Variants in TMEM132B observed in about 807,000 individuals in gnomAD.
TMEM132B encodes the protein transmembrane protein 132B.
In TMEM132B, 18 loss-of-function variants were observed where a neutral mutation model predicts 90.8. The ratio of observed to expected loss-of-function variants is 0.20; its 90% confidence interval spans 0.14 to 0.29. The LOEUF (loss-of-function observed/expected upper bound fraction) is 0.29, where lower values mean the gene tolerates loss of function less well. Among genes scored for constraint, TMEM132B ranks in the 10% least tolerant of loss-of-function variants. The pLI is 1.00. For synonymous variants in TMEM132B, 504 were observed against 523.3 expected (o/e 0.96, Z 0.50); for missense variants, 1,096 against 1,326.8 (o/e 0.83, Z 2.70).
intron 1 of TMEM132B, among the ~76,000 whole-genome samples, chr12:125,263,927 C>T (rs1050067767): frequency 1.3e-5 from 2 of 152,182 alleles, no homozygotes; most frequent in African/African-American, 4.8e-5. Flanking sequence ...TGTGGTGTTC[C>T]ATGTATTAAT....
rs772163559 is a variant in TMEM132B at position 125,443,796 on chromosome 12, T to A, written c.1106+28119T>A. Among the ~76,000 whole-genome samples the A allele has an allele frequency of 6.5e-4, 99 of 152,308 alleles. 2 individuals carry two copies. Among genetic ancestry groups the A allele is most frequent in the Admixed American group, 2.9e-3 (44 of 15,296 alleles). The stretch of plus-strand genomic sequence containing the variant: ...GAAACTGCAAGAAAAATGTTTTTTT[T>A]AAAAATATAAAATCTGTTAACAATG... On this transcript the variant is annotated intron_variant, in intron 3 of 8. Transcript: ENST00000682704.
At chr12:125,235,830 G>A (rs1433772269) in intron 1 of TMEM132B, among the ~76,000 whole-genome samples, 5 of 123,730 alleles carry the variant, frequency 4.0e-5, no homozygotes, top group African/African-American at 6.4e-5. Flanking sequence ...TTTGGAGAGA[G>A]TCTTGCTCTG....
At chr12:125,572,640 G>A (rs7961194) in intron 4 of TMEM132B, among the ~76,000 whole-genome samples, 139,740 of 152,262 alleles carry the variant, frequency 0.92, 64,142 homozygotes, top group Middle Eastern at 0.97. Flanking sequence ...TCCCTTTGAA[G>A]TTAATGTTTC....
chr12:125,399,457 AAG>A (rs1879249295), intron 2 of TMEM132B, among the ~76,000 whole-genome samples: 1 of 132,744 alleles, frequency 7.5e-6, no homozygotes, highest in Admixed American at 7.5e-5. Flanking sequence ...GTGAAGAAGG[AAG>A]TGTGTGTGTG....
At chr12:125,261,616 T>A (rs1342711222) in intron 1 of TMEM132B, among the ~76,000 whole-genome samples, 1 of 152,200 alleles carries the variant, frequency 6.6e-6, no homozygotes, top group Non-Finnish European at 1.5e-5. Context: ...AAATTCAAAT[T>A]GTCATTAGTA....
At chr12:125,255,993 G>A (rs977722974) in intron 1 of TMEM132B, among the ~76,000 whole-genome samples, 1 of 151,932 alleles carries the variant, frequency 6.6e-6, no homozygotes, top group Non-Finnish European at 1.5e-5. Context: ...TTTGTGTGTC[G>A]CTTTTTTTTT....
rs376934374 is a variant in TMEM132B, at chr12:125,440,798, C to G, written c.1106+25121C>G. Among the ~76,000 whole-genome samples, 22 of 152,168 alleles carry G rather than the reference C, an allele frequency of 1.4e-4. No homozygotes were observed. In the South Asian group the frequency reaches 1.7e-3, roughly 11 times the overall value. ...TTATTAAAAATATCAGGAGATCTGACTAAAAATACATATTTCAGGTGTCTC... is the reference window on the plus strand; with the variant it reads ...TTATTAAAAATATCAGGAGATCTGAGTAAAAATACATATTTCAGGTGTCTC... On this transcript the variant is annotated intron_variant, in intron 3 of 8. Coordinates refer to ENST00000682704, the MANE Select transcript of TMEM132B (RefSeq NM_001366854.1).
intron 4 of TMEM132B, among the ~76,000 whole-genome samples, chr12:125,581,181 A>T (rs1001849835): frequency 2.0e-5 from 3 of 152,208 alleles, no homozygotes; most frequent in Admixed American, 1.3e-4. Context: ...TGGGAAATAT[A>T]TTGTAATGTC....
chr12:125,405,306 C>A (rs1340088058), intron 2 of TMEM132B, among the ~76,000 whole-genome samples: 1 of 152,194 alleles, frequency 6.6e-6, no homozygotes, highest in Non-Finnish European at 1.5e-5. Flanking sequence ...TCGCTGCCTT[C>A]TCAGGTTCCC....
intron 1 of TMEM132B, among the ~76,000 whole-genome samples, chr12:125,253,964 A>G (rs1874372734): frequency 6.6e-6 from 1 of 152,174 alleles, no homozygotes; most frequent in Non-Finnish European, 1.5e-5. Flanking sequence ...AGAGAGCTTG[A>G]AATAAATGGG....
chr12:125,430,765 C>T (rs1237864837), intron 3 of TMEM132B, among the ~76,000 whole-genome samples: 1 of 152,180 alleles, frequency 6.6e-6, no homozygotes, highest in Admixed American at 6.5e-5. Context: ...CCTGGCTCTC[C>T]TGGAACTTAC....
At chr12:125,231,296 C>T (rs1217904882) in intron 1 of TMEM132B, among the ~76,000 whole-genome samples, 1 of 152,074 alleles carries the variant, frequency 6.6e-6, no homozygotes, top group Non-Finnish European at 1.5e-5. Context: ...TTAAGGCCCA[C>T]CCCAATGCAG....
At chr12:125,480,172 G>A (rs1020274339) in intron 3 of TMEM132B, among the ~76,000 whole-genome samples, 15 of 152,074 alleles carry the variant, frequency 9.9e-5, no homozygotes, top group African/African-American at 3.4e-4. Flanking sequence ...ATCTAAAATC[G>A]ACACCCTAAC....
chr12:125,572,424 C>T (rs772873913), intron 4 of TMEM132B, among the ~76,000 whole-genome samples: 9 of 152,218 alleles, frequency 5.9e-5, no homozygotes, highest in African/African-American at 7.2e-5. Context: ...CCAGAGGCTA[C>T]GCCGTTCAAG....
rs527656417 is a variant in TMEM132B at position 125,268,095 on chromosome 12, A to G, written c.67+81229A>G. Among the ~76,000 whole-genome samples the G allele has an allele frequency of 3.6e-4, 55 of 152,342 alleles. 1 individual carries two copies. Among genetic ancestry groups the G allele is most frequent in the African/African-American group, 1.1e-3 (47 of 41,578 alleles). The stretch of plus-strand genomic sequence containing the variant: ...ACTCCATCTCTACAAAAAGAAAAAG[A>G]AACAACAACGAAAAATAAAGGCTGC... On this transcript the variant is annotated intron_variant, in intron 1 of 8. Coordinates refer to ENST00000682704, the MANE Select transcript of TMEM132B (RefSeq NM_001366854.1).
chr12:125,338,037 C>T (rs1224215380), intron 1 of TMEM132B, among the ~76,000 whole-genome samples: 1 of 152,172 alleles, frequency 6.6e-6, no homozygotes, highest in Non-Finnish European at 1.5e-5. Flanking sequence ...ATGTACACAC[C>T]TTCTTCCCTT....
At chr12:125,355,875 G>A (rs1877752092) in intron 2 of TMEM132B, among the ~76,000 whole-genome samples, 1 of 152,122 alleles carries the variant, frequency 6.6e-6, no homozygotes, top group Non-Finnish European at 1.5e-5. Flanking sequence ...GGGCCCGTCT[G>A]AACAAAAATT....
intron 5 of TMEM132B, among the ~76,000 whole-genome samples, chr12:125,631,217 A>AT (rs1413717333): frequency 6.6e-5 from 10 of 151,340 alleles, no homozygotes; most frequent in African/African-American, 2.2e-4. Context: ...AAATTTTTCA[A>AT]TTTTTTTTCT....
chr12:125,239,685 T>G (rs1026919352), intron 1 of TMEM132B, among the ~76,000 whole-genome samples: 1 of 152,234 alleles, frequency 6.6e-6, no homozygotes, highest in Non-Finnish European at 1.5e-5. Flanking sequence ...GGGGCACTTA[T>G]GTGAATGCGG....
Sources: gnomAD v4.1 joint callset for allele counts (sites outside exome capture counted in the v4.1 genomes callset) on GRCh38, gnomAD v4.1.1 for gene constraint, MANE v1.5 for transcripts, NCBI Gene and HGNC (gene_info 2026-07-23, HGNC 2026-07-21) for gene names.